Variants in SLC25A21 observed in about 807,000 individuals in gnomAD.
The protein encoded by SLC25A21 is mitochondrial 2-oxodicarboxylate carrier.
SLC25A21 carries 47 observed loss-of-function variants against 43.8 expected under a neutral mutation model. The observed-to-expected ratio is 1.07, with a 90% CI of 0.85 to 1.37. The LOEUF is 1.37. Ranked by LOEUF, SLC25A21 falls within the 40% of genes most tolerant of loss-of-function variation. SLC25A21 has a pLI of 0.00. For synonymous variants in SLC25A21, 131 were observed against 121.3 expected, an observed-to-expected ratio of 1.08 and a Z score of -0.52; for missense variants, 352 against 350.2, an observed-to-expected ratio of 1.00 and a Z score of -0.04.
intron 2 of SLC25A21, among the ~76,000 whole-genome samples, chr14:36,860,452 G>C (rs1369734781): frequency 1.3e-5 from 2 of 152,222 alleles, no homozygotes; most frequent in Non-Finnish European, 2.9e-5. Flanking sequence ...GACTTGCACA[G>C]TGGGGCCAAC....
chr14:37,081,331 T>C (rs1156898557), intron 1 of SLC25A21, among the ~76,000 whole-genome samples: 1 of 152,216 alleles, frequency 6.6e-6, no homozygotes, highest in Admixed American at 6.5e-5. Context: ...ATTGAGAAGA[T>C]GTGTTGTTAG....
At chr14:37,062,696 C>T (rs191170065) in intron 1 of SLC25A21, among the ~76,000 whole-genome samples, 1 of 152,184 alleles carries the variant, frequency 6.6e-6, no homozygotes, top group African/African-American at 2.4e-5. Flanking sequence ...CCATCAAGAT[C>T]GGGACAGGGG....
rs568230726 is a variant in SLC25A21 at position 36,785,307 on chromosome 14, C to T, written c.203+28611G>A. Among the ~76,000 whole-genome samples the T allele has an allele frequency of 1.4e-3, 209 of 152,324 alleles. 1 individual carries two copies. Among genetic ancestry groups the T allele is most frequent in the Non-Finnish European group, 2.5e-3 (170 of 68,028 alleles). On this transcript the variant is annotated intron_variant, in intron 3 of 9. Transcript: ENST00000331299. ...GATCTTGGGTTTGACAACAAAACCA[C>T]ACTAAACCAAACCAACTAGCAAACA...
At chr14:37,022,919 T>C (rs1248724393) in intron 1 of SLC25A21, among the ~76,000 whole-genome samples, 1 of 152,002 alleles carries the variant, frequency 6.6e-6, no homozygotes, top group African/African-American at 2.4e-5. Flanking sequence ...AACAATAGCA[T>C]ATAATTATTT....
At chr14:36,740,788 C>G (rs950053356) in intron 3 of SLC25A21, among the ~76,000 whole-genome samples, 5 of 152,106 alleles carry the variant, frequency 3.3e-5, no homozygotes, top group African/African-American at 1.2e-4. Flanking sequence ...TAGAGCAAGG[C>G]AAACCCTCAA....
chr14:37,117,491 G>GT (rs1187343550), intron 1 of SLC25A21, among the ~76,000 whole-genome samples: 12 of 152,178 alleles, frequency 7.9e-5, no homozygotes, highest in Non-Finnish European at 1.6e-4. Context: ...TTAGAAGAGA[G>GT]TTTTTTCTAT....
intron 7 of SLC25A21, among the ~76,000 whole-genome samples, chr14:36,696,852 A>G (rs531478595): frequency 8.5e-5 from 13 of 152,338 alleles, no homozygotes; most frequent in Non-Finnish European, 1.9e-4. Context: ...ATCTTTTCAA[A>G]AAACGAGCTC....
At chr14:36,948,506 C>A (rs997323662) in intron 1 of SLC25A21, among the ~76,000 whole-genome samples, 1 of 152,004 alleles carries the variant, frequency 6.6e-6, no homozygotes, top group Non-Finnish European at 1.5e-5. Context: ...TTGAATAAGA[C>A]CCTGCTTGAA....
intron 1 of SLC25A21, among the ~76,000 whole-genome samples, chr14:37,062,492 C>T (rs1229634486): frequency 6.6e-6 from 1 of 152,048 alleles, no homozygotes; most frequent in Non-Finnish European, 1.5e-5. Flanking sequence ...TCTATTTAAT[C>T]CAACTCCTAG....
At chr14:37,154,257 C>T (rs534167647) in intron 1 of SLC25A21, among the ~76,000 whole-genome samples, 1 of 152,162 alleles carries the variant, frequency 6.6e-6, no homozygotes, top group Non-Finnish European at 1.5e-5. Context: ...ACAGATATCA[C>T]TAATCCTGTT....
At chr14:37,011,073 G>C (rs1488784524) in intron 1 of SLC25A21, among the ~76,000 whole-genome samples, 1 of 152,178 alleles carries the variant, frequency 6.6e-6, no homozygotes, top group Non-Finnish European at 1.5e-5. Context: ...TTTTAGTAGA[G>C]ATGGGGTTTC....
intron 3 of SLC25A21, among the ~76,000 whole-genome samples, chr14:36,753,123 T>C (rs1431153295): frequency 6.6e-6 from 1 of 152,072 alleles, no homozygotes; most frequent in South Asian, 2.1e-4. Flanking sequence ...TTTGGGAAGA[T>C]GAAAAGTTCT....
At chr14:36,837,640 G>A (rs964105140) in intron 2 of SLC25A21, among the ~76,000 whole-genome samples, 4 of 152,114 alleles carry the variant, frequency 2.6e-5, no homozygotes, top group Non-Finnish European at 5.9e-5. Context: ...GGCTACAGCT[G>A]GAGTAAGTAG....
intron 1 of SLC25A21, among the ~76,000 whole-genome samples, chr14:37,000,602 C>A (rs962643631): frequency 1.3e-5 from 2 of 152,100 alleles, no homozygotes; most frequent in Non-Finnish European, 2.9e-5. Context: ...CAGATGCCAT[C>A]CAATCTGAGA....
intron 3 of SLC25A21, among the ~76,000 whole-genome samples, chr14:36,807,837 G>A (rs543652430): frequency 2.6e-4 from 40 of 152,162 alleles, no homozygotes; most frequent in Non-Finnish European, 4.6e-4. Flanking sequence ...AAGAGGGAGT[G>A]AGTATACCTC....
At chr14:36,711,224 G>T in intron 7 of SLC25A21, 94 bp downstream of exon 7, 1 of 1,152,932 alleles carries the variant, frequency 8.7e-7, no homozygotes, top group Non-Finnish European at 1.2e-6. Context: ...TAGGTGTCCA[G>T]CACAGTGACC....
chr14:36,932,101 A>G (rs561720864), intron 1 of SLC25A21, among the ~76,000 whole-genome samples: 6 of 152,180 alleles, frequency 3.9e-5, no homozygotes, highest in Non-Finnish European at 5.9e-5. Flanking sequence ...TTCCATATAC[A>G]TAAGAAGAAA....
At chr14:37,164,069 G>A (rs1219685584) in intron 1 of SLC25A21, among the ~76,000 whole-genome samples, 1 of 152,126 alleles carries the variant, frequency 6.6e-6, no homozygotes, top group Non-Finnish European at 1.5e-5. Flanking sequence ...TTAAAATATT[G>A]TATAAAAGTT....
intron 3 of SLC25A21, among the ~76,000 whole-genome samples, chr14:36,792,072 T>C (rs764044506): frequency 6.6e-6 from 1 of 152,162 alleles, no homozygotes; most frequent in Non-Finnish European, 1.5e-5. Flanking sequence ...ATGAAAACAT[T>C]TTTTAGTGTA....
Sources: allele counts gnomAD v4.1 joint callset (sites outside exome capture counted in the v4.1 genomes callset), GRCh38; gene constraint gnomAD v4.1.1; transcripts MANE v1.5; gene names NCBI Gene and HGNC (gene_info 2026-07-23, HGNC 2026-07-21).